Variants in GRIN2A observed in about 807,000 individuals in gnomAD.
GRIN2A encodes glutamate ionotropic receptor NMDA type subunit 2A.
In GRIN2A, 22 loss-of-function variants were observed where a neutral mutation model predicts 113.4. The ratio of observed to expected loss-of-function variants is 0.19; its 90% CI spans 0.14 to 0.28. The LOEUF (loss-of-function observed/expected upper bound fraction) is 0.28, where lower values mean the gene tolerates loss of function less well. GRIN2A is among the 10% of genes least tolerant of loss of function. The probability of loss-of-function intolerance (pLI) is 1.00; values close to 1 mark genes in which losing one functional copy is unlikely to be tolerated. For missense variants in GRIN2A, 1,502 were observed against 1,887.0 expected (o/e 0.80, Z 3.78); for synonymous variants, 827 against 738.4 (o/e 1.12, Z -1.94).
intron 9 of GRIN2A, among the ~76,000 whole-genome samples, chr16:9,824,190 C>A (rs1431950563): frequency 2.0e-5 from 3 of 152,170 alleles, no homozygotes; most frequent in Non-Finnish European, 2.9e-5. Flanking sequence ...CAAATGAGAT[C>A]CTCCTGCCAG....
intron 11 of GRIN2A, among the ~76,000 whole-genome samples, chr16:9,774,211 A>G (rs750670139): frequency 1.3e-5 from 2 of 152,222 alleles, no homozygotes; most frequent in Non-Finnish European, 2.9e-5. Context: ...GGGGTTTTAT[A>G]TTTGCAAAAA....
intron 2 of GRIN2A, among the ~76,000 whole-genome samples, chr16:9,969,088 T>C (rs957012677): frequency 6.2e-4 from 94 of 152,124 alleles, no homozygotes; most frequent in African/African-American, 2.2e-3. Context: ...TTAACACATA[T>C]AGCACATTTC....
At chr16:10,023,708 G>T (rs1567240503) in intron 2 of GRIN2A, among the ~76,000 whole-genome samples, 1 of 152,168 alleles carries the variant, frequency 6.6e-6, no homozygotes. Context: ...GAGCATGATT[G>T]GCTTGCCAGT....
intron 2 of GRIN2A, among the ~76,000 whole-genome samples, chr16:9,992,976 G>A (rs2046150412): frequency 6.6e-6 from 1 of 152,098 alleles, no homozygotes; most frequent in Admixed American, 6.5e-5. Flanking sequence ...AGCGCTTTGG[G>A]AGGCCAAGGT....
At position 10,113,748 on chromosome 16, in the gene GRIN2A, A is replaced by T. The variant is rs182113408; in HGVS notation, c.414+66250T>A. Among the ~76,000 whole-genome samples, 241 of 152,364 alleles carry T rather than the reference A, an allele frequency of 1.6e-3. 2 individuals are homozygous for T. Among genetic ancestry groups the T allele is most frequent in the African/African-American group, 5.5e-3 (230 of 41,594 alleles). On this transcript the variant is annotated intron_variant, in intron 2 of 12. Transcript: ENST00000330684. ...TACATACACATGCACATCAATGCAC[A>T]CATATATATGCAGAAGGAAATAAAT...
chr16:9,877,923 C>G (rs1024197812), intron 4 of GRIN2A, among the ~76,000 whole-genome samples: 5 of 145,440 alleles, frequency 3.4e-5, no homozygotes, highest in Admixed American at 7.2e-5. Context: ...CTTTGCGTTT[C>G]TCTACAACAC....
chr16:9,867,562 T>A (rs961982133), intron 4 of GRIN2A, among the ~76,000 whole-genome samples: 17 of 152,320 alleles, frequency 1.1e-4, no homozygotes, highest in African/African-American at 4.1e-4. Context: ...TGCACTGTCC[T>A]TGCCTCTCAA....
chr16:9,988,284 C>CGTGTGTGTGTGTGT (rs4031160), intron 2 of GRIN2A, among the ~76,000 whole-genome samples: 1 of 146,840 alleles, frequency 6.8e-6, no homozygotes, highest in Non-Finnish European at 1.5e-5. Flanking sequence ...TGTGTGTGTG[C>CGTGTGTGTGTGTGT]GTGTGTGTGT....
chr16:9,775,616 G>A lies in GRIN2A; in HGVS notation c.2357-6527C>T, dbSNP rs190172145. On this transcript the variant is annotated intron_variant, in intron 11 of 12. Coordinates refer to ENST00000330684, the MANE Select transcript of GRIN2A (RefSeq NM_001134407.3). ...GATCAGAGAGCAGTTCAGGATTTCT[G>A]GGAAGGAAGAAGGGATCAAAGGAGG... 2.8e-4 allele frequency among the ~76,000 whole-genome samples: 42 copies of A among 152,298 alleles called. 1 individual carries two copies. In the East Asian group the frequency reaches 7.9e-3, roughly 29 times the overall value.
intron 10 of GRIN2A, among the ~76,000 whole-genome samples, chr16:9,820,022 A>C (rs1046028116): frequency 6.6e-6 from 1 of 151,000 alleles, no homozygotes; most frequent in Non-Finnish European, 1.5e-5. Context: ...TGGGAGATTG[A>C]GTATAGAATG....
intron 4 of GRIN2A, among the ~76,000 whole-genome samples, chr16:9,854,853 C>T (rs1340114453): frequency 6.6e-6 from 1 of 152,138 alleles, no homozygotes; most frequent in Admixed American, 6.6e-5. Flanking sequence ...AATAAGGTTT[C>T]AATGCATCAG....
chr16:10,144,061 T>C (rs2049381609), intron 2 of GRIN2A, among the ~76,000 whole-genome samples: 1 of 152,194 alleles, frequency 6.6e-6, no homozygotes, highest in Non-Finnish European at 1.5e-5. Context: ...TACAGATATT[T>C]CTTTGAGATC....
intron 8 of GRIN2A, among the ~76,000 whole-genome samples, chr16:9,831,212 A>G (rs1443645355): frequency 6.6e-6 from 1 of 152,192 alleles, no homozygotes; most frequent in African/African-American, 2.4e-5. Context: ...ATCCTTTACA[A>G]TAGTCTTTCC....
chr16:9,770,358 CA>C (rs1336476471), intron 11 of GRIN2A, among the ~76,000 whole-genome samples: 2 of 152,142 alleles, frequency 1.3e-5, no homozygotes, highest in Admixed American at 1.3e-4. Flanking sequence ...TTGAAGAAGT[CA>C]ATCAAAATGA....
chr16:9,912,837 A>G (rs1459300467), intron 3 of GRIN2A, among the ~76,000 whole-genome samples: 1 of 152,280 alleles, frequency 6.6e-6, no homozygotes, highest in Non-Finnish European at 1.5e-5. Flanking sequence ...ATTGAATTTC[A>G]TATCTAAAAG....
chr16:9,918,248 G>T (rs528251416), intron 3 of GRIN2A, among the ~76,000 whole-genome samples: 1 of 152,282 alleles, frequency 6.6e-6, no homozygotes, highest in Admixed American at 6.5e-5. Flanking sequence ...TGGATGTACT[G>T]CAGTATCTCC....
chr16:9,818,974 A>G (rs926636507), intron 10 of GRIN2A, among the ~76,000 whole-genome samples: 24 of 150,358 alleles, frequency 1.6e-4, no homozygotes, highest in African/African-American at 5.5e-4. Flanking sequence ...GTCCAACAAT[A>G]GAGGCCTGAC....
At chr16:10,102,498 C>A (rs1274471918) in intron 2 of GRIN2A, among the ~76,000 whole-genome samples, 1 of 152,184 alleles carries the variant, frequency 6.6e-6, no homozygotes, top group Non-Finnish European at 1.5e-5. Flanking sequence ...CTCTTCTTTA[C>A]AAATTACCTA....
At chr16:9,894,110 G>A (rs2043756003) in intron 3 of GRIN2A, among the ~76,000 whole-genome samples, 1 of 152,176 alleles carries the variant, frequency 6.6e-6, no homozygotes. Flanking sequence ...GGTTGAGGCA[G>A]GAGAAAGCAT....
Sources: allele counts gnomAD v4.1 joint callset (sites outside exome capture counted in the v4.1 genomes callset), GRCh38; gene constraint gnomAD v4.1.1; transcripts MANE v1.5; gene names NCBI Gene and HGNC (gene_info 2026-07-23, HGNC 2026-07-21).